The following NRG3 variants were observed in gnomAD, a reference collection of about 807,000 sequenced individuals.
The protein encoded by NRG3 is neuregulin 3, also known as pro-neuregulin-3, membrane-bound isoform.
A neutral mutation model predicts 66.9 loss-of-function variants in NRG3; 31 were observed. That is an observed-to-expected ratio of 0.46 (90% CI 0.35 to 0.63). NRG3 has a LOEUF of 0.63. NRG3 is among the 20% of genes least tolerant of loss of function. The probability of loss-of-function intolerance (pLI) is 0.00; values close to 1 mark genes in which losing one functional copy is unlikely to be tolerated. For missense variants in NRG3, 910 were observed against 878.9 expected, an observed-to-expected ratio of 1.04 and a Z score of -0.45; for synonymous variants, 393 against 359.4, an observed-to-expected ratio of 1.09 and a Z score of -1.06.
rs185674708 is a variant in NRG3, at chr10:81,920,126, A to T, written c.823+43963A>T. On this transcript the variant is annotated intron_variant, in intron 1 of 8. Coordinates refer to ENST00000372141, the MANE Select transcript of NRG3 (RefSeq NM_001010848.4). The stretch of plus-strand genomic sequence containing the variant: ...TCTTATGGCCTGAGGTGTAAGGATG[A>T]CACTATGAGAAAGGGAGCCTTGACT... Among the ~76,000 whole-genome samples the T allele has an allele frequency of 1.2e-3, 177 of 152,258 alleles. 1 individual carries two copies. Among genetic ancestry groups the T allele is most frequent in the Middle Eastern group, 0.01 (3 of 294 alleles).
chr10:82,346,268 G>T, intron 1 of NRG3, among the ~76,000 whole-genome samples: 1 of 150,232 alleles, frequency 6.7e-6, no homozygotes, highest in Admixed American at 6.6e-5. Flanking sequence ...AGAGTTTTTA[G>T]CATGAAGGGT....
Position 82,038,043 on chromosome 10 carries a change from G to A in NRG3, c.823+161880G>A, listed in dbSNP as rs544577487. ...TCTCGGAAAACCCAAATATGCTTTT[G>A]AAATTAGTAATCTACACCCAGTAAA... On this transcript the variant is annotated intron_variant, in intron 1 of 8. Transcript: ENST00000372141. 5.9e-5 allele frequency among the ~76,000 whole-genome samples: 9 copies of A among 152,028 alleles called. No individual in the cohort carries two copies. In the East Asian group the frequency reaches 1.7e-3, roughly 30 times the overall value.
intron 1 of NRG3, among the ~76,000 whole-genome samples, chr10:82,090,756 T>TGC (rs141179201): frequency 1.2e-4 from 1 of 8,438 alleles, no homozygotes; most frequent in Non-Finnish European, 3.3e-4. Flanking sequence ...ATTTGAACTC[T>TGC]ATATCTGAAA....
intron 1 of NRG3, among the ~76,000 whole-genome samples, chr10:82,113,938 T>C (rs77291345): frequency 0.034 from 5,151 of 152,280 alleles, 127 homozygotes; most frequent in Non-Finnish European, 0.049. Context: ...TATTTAATTA[T>C]AGAAACATGT....
intron 2 of NRG3, among the ~76,000 whole-genome samples, chr10:82,630,328 A>G (rs1335689197): frequency 6.6e-6 from 1 of 150,908 alleles, no homozygotes; most frequent in African/African-American, 2.4e-5. Flanking sequence ...ATTTGTGGAC[A>G]GGGTGAGGCA....
intron 2 of NRG3, among the ~76,000 whole-genome samples, chr10:82,673,554 A>T (rs543141505): frequency 1.3e-5 from 2 of 152,328 alleles, no homozygotes; most frequent in African/African-American, 4.8e-5. Context: ...GACAGATCAG[A>T]TGTGGGAATG....
chr10:82,492,721 C>A (rs772679969), intron 2 of NRG3, among the ~76,000 whole-genome samples: 1 of 152,172 alleles, frequency 6.6e-6, no homozygotes, highest in Non-Finnish European at 1.5e-5. Context: ...AAACCTTGGT[C>A]TTTTGACTTA....
chr10:81,920,778 A>C (rs1846182055), intron 1 of NRG3, among the ~76,000 whole-genome samples: 1 of 152,132 alleles, frequency 6.6e-6, no homozygotes, highest in Admixed American at 6.6e-5. Context: ...CATCTTATTC[A>C]CTTAATGTTT....
chr10:82,052,988 A>G (rs978336890), intron 1 of NRG3, among the ~76,000 whole-genome samples: 3 of 152,054 alleles, frequency 2.0e-5, no homozygotes, highest in Non-Finnish European at 4.4e-5. Context: ...TATTTTATTA[A>G]TTCATTATTA....
At chr10:82,836,812 C>T (rs2062803374) in intron 3 of NRG3, among the ~76,000 whole-genome samples, 3 of 151,180 alleles carry the variant, frequency 2.0e-5, no homozygotes, top group Admixed American at 1.3e-4. Flanking sequence ...ATACATGTGC[C>T]ACATGTGCCA....
At chr10:81,980,267 C>T (rs1011753687) in intron 1 of NRG3, among the ~76,000 whole-genome samples, 10 of 151,208 alleles carry the variant, frequency 6.6e-5, no homozygotes, top group Admixed American at 2.6e-4. Flanking sequence ...ACACTTGGAT[C>T]GGAGATTTTA....
At chr10:81,878,385 G>A (rs1230488483) in intron 1 of NRG3, among the ~76,000 whole-genome samples, 3 of 152,130 alleles carry the variant, frequency 2.0e-5, no homozygotes, top group Admixed American at 6.5e-5. Context: ...TATAAACAAG[G>A]GAAATTTTAA....
intron 3 of NRG3, among the ~76,000 whole-genome samples, chr10:82,860,315 G>T (rs2064054984): frequency 6.6e-6 from 1 of 152,106 alleles, no homozygotes; most frequent in South Asian, 2.1e-4. Flanking sequence ...CTCTGCCTGA[G>T]GATACTTGAA....
chr10:82,247,773 T>G (rs1284015254), intron 1 of NRG3, among the ~76,000 whole-genome samples: 1 of 152,166 alleles, frequency 6.6e-6, no homozygotes, highest in African/African-American at 2.4e-5. Context: ...CTTGGATATT[T>G]CTAGTAATTT....
intron 2 of NRG3, among the ~76,000 whole-genome samples, chr10:82,683,198 A>G (rs995143426): frequency 9.9e-5 from 15 of 151,500 alleles, no homozygotes; most frequent in Admixed American, 5.3e-4. Flanking sequence ...CTCGTGATCC[A>G]CCCGCCTCGG....
intron 2 of NRG3, among the ~76,000 whole-genome samples, chr10:82,499,809 G>C (rs369675408): frequency 3.9e-5 from 6 of 152,264 alleles, no homozygotes; most frequent in South Asian, 2.1e-4. Flanking sequence ...TAGAGACTTT[G>C]AGGTGTGAAA....
intron 2 of NRG3, among the ~76,000 whole-genome samples, chr10:82,364,814 G>T (rs2084416352): frequency 6.6e-6 from 1 of 152,184 alleles, no homozygotes; most frequent in East Asian, 1.9e-4. Flanking sequence ...ATATGGAATT[G>T]CTGGAAAAAG....
At chr10:81,992,200 A>AT (rs1260124838) in intron 1 of NRG3, among the ~76,000 whole-genome samples, 1 of 151,994 alleles carries the variant, frequency 6.6e-6, no homozygotes, top group African/African-American at 2.4e-5. Flanking sequence ...AAATAAAATT[A>AT]TTTTTTTCTT....
At chr10:82,677,737 C>T (rs565260943) in intron 2 of NRG3, among the ~76,000 whole-genome samples, 233 of 152,134 alleles carry the variant, frequency 1.5e-3, no homozygotes, top group Non-Finnish European at 2.4e-3. Context: ...GGTTTTAGAG[C>T]AGGAATAAAA....
Sources: gnomAD v4.1 joint callset for allele counts (sites outside exome capture counted in the v4.1 genomes callset) on GRCh38, gnomAD v4.1.1 for gene constraint, MANE v1.5 for transcripts, NCBI Gene and HGNC (gene_info 2026-07-23, HGNC 2026-07-21) for gene names.